The following ST7L variants were observed in gnomAD, a reference collection of about 807,000 sequenced individuals.
The protein encoded by ST7L is suppression of tumorigenicity 7 like, also known as suppressor of tumorigenicity 7 protein-like.
In ST7L, 57 loss-of-function variants were observed where a neutral mutation model predicts 72.5. That is an observed-to-expected ratio of 0.79 (90% CI 0.64 to 0.98). The LOEUF (loss-of-function observed/expected upper bound fraction) is 0.98, where lower values mean the gene tolerates loss of function less well. Ranked by LOEUF, ST7L falls within the 50% of genes least tolerant of loss-of-function variation. The probability of loss-of-function intolerance (pLI) is 0.00; values close to 1 mark genes in which losing one functional copy is unlikely to be tolerated. For missense variants in ST7L, 576 were observed against 672.2 expected, an observed-to-expected ratio of 0.86 and a Z score of 1.58; for synonymous variants, 221 against 240.9, an observed-to-expected ratio of 0.92 and a Z score of 0.77.
chr1:112,520,533 C>A, downstream of ST7L: 1 of 1,608,764 alleles, frequency 6.2e-7, no homozygotes, highest in East Asian at 2.2e-5. Flanking sequence ...TCACTCATCC[C>A]TCCAATTCAA....
chr1:112,543,013 T>G (rs951508542), intron 13 of ST7L, among the ~76,000 whole-genome samples: 1 of 152,062 alleles, frequency 6.6e-6, no homozygotes, highest in Admixed American at 6.6e-5. Flanking sequence ...TTGGCCAGGC[T>G]GGTCTCAAAC....
chr1:112,537,122 A>G (rs1015310466), intron 14 of ST7L, among the ~76,000 whole-genome samples: 2 of 152,016 alleles, frequency 1.3e-5, no homozygotes, highest in African/African-American at 4.8e-5. Flanking sequence ...CAGCCTCCCA[A>G]GTAGCTGGGA....
intron 4 of ST7L, among the ~76,000 whole-genome samples, chr1:112,599,779 T>C (rs1180013190): frequency 6.6e-6 from 1 of 152,214 alleles, no homozygotes; most frequent in Admixed American, 6.5e-5. Context: ...AGGGGCCTAA[T>C]ACATACTTAA....
At chr1:112,585,732 C>CA (rs34816760) in intron 6 of ST7L, among the ~76,000 whole-genome samples, 30,751 of 106,106 alleles carry the variant, frequency 0.29, 3,449 homozygotes, top group Middle Eastern at 0.37. Context: ...GACTCCGTCT[C>CA]AAAAAAAAAA....
chr1:112,559,461 T>C (rs1659737081), intron 11 of ST7L, among the ~76,000 whole-genome samples: 2 of 151,818 alleles, frequency 1.3e-5, no homozygotes, highest in Middle Eastern at 6.8e-3. Context: ...CTCGAACTCC[T>C]GACCTCGTGA....
At chr1:112,598,796 G>A (rs543011742) in intron 4 of ST7L, among the ~76,000 whole-genome samples, 47 of 151,430 alleles carry the variant, frequency 3.1e-4, no homozygotes, top group African/African-American at 8.7e-4. Context: ...GCTCACGCAC[G>A]CCTTAATCCT....
chr1:112,570,642 G>T (rs762944821), intron 11 of ST7L: 5 of 415,694 alleles, frequency 1.2e-5, no homozygotes, highest in African/African-American at 8.4e-5. Flanking sequence ...CAATTGAAGT[G>T]TGAAGAAGAA....
chr1:112,576,504 G>A (rs968116580), intron 11 of ST7L, among the ~76,000 whole-genome samples: 4 of 152,142 alleles, frequency 2.6e-5, no homozygotes, highest in Non-Finnish European at 4.4e-5. Context: ...CATTGGGGAC[G>A]AAATAAGCAT....
At chr1:112,570,797 C>T (rs148512661) in intron 11 of ST7L, 220 of 455,768 alleles carry the variant, frequency 4.8e-4, no homozygotes, top group African/African-American at 3.7e-3. Context: ...AGAGCTCTCC[C>T]AGTTCATATA....
chr1:112,582,023 T>TGCCTGAACAACA lies in ST7L; in HGVS notation c.1037_1038insTGTTGTTCAGGC (p.Pro346_Asp347insValValGlnAla), dbSNP rs752866229. On this transcript the variant is annotated inframe_insertion, in exon 9 of 15. Transcript: ENST00000358039. ...ATTTTGCTAGGACTGCCTGAACATC[T>TGCCTGAACAACA]GGATAGGCCTGTAATTCTAAAAGTG... is the stretch of plus-strand genomic sequence containing the variant. 11 of 1,613,178 alleles carry TGCCTGAACAACA rather than the reference T, an allele frequency of 6.8e-6. No homozygotes were observed. In the South Asian group the frequency reaches 1.1e-4, roughly 16 times the overall value.
At chr1:112,548,493 A>T (rs1335662459) in intron 13 of ST7L, among the ~76,000 whole-genome samples, 5 of 152,240 alleles carry the variant, frequency 3.3e-5, no homozygotes, top group Non-Finnish European at 7.3e-5. Flanking sequence ...AAAATAAAAA[A>T]CATTAGGAGA....
At chr1:112,555,307 C>T (rs777733644) in intron 12 of ST7L, among the ~76,000 whole-genome samples, 5 of 151,974 alleles carry the variant, frequency 3.3e-5, no homozygotes, top group African/African-American at 4.8e-5. Flanking sequence ...GGCTCATGCC[C>T]GTAATCCCAG....
At position 112,529,000 on chromosome 1, in the gene ST7L, G is replaced by A. The variant is rs1242129724; in HGVS notation, c.1630-2889C>T. ...CCTGCATTTGCTAAAGGTAAAAATC[G>A]CTACTTATGGGGCTTTTGTCATACT... On this transcript the variant is annotated intron_variant, in intron 14 of 14. Transcript: ENST00000358039. The A allele has an allele frequency of 3.9e-5, 6 of 152,114 alleles. No individual in the cohort carries two copies. The East Asian group carries it at 5.8e-4, about 15-fold the overall frequency. 9.4% of individuals were successfully genotyped at this position (152,114 alleles called of 1,614,324 possible).
intron 11 of ST7L, among the ~76,000 whole-genome samples, chr1:112,556,966 C>CAAAAAAAAAAAAAAAAAAAAA (rs60106072): frequency 9.7e-4 from 48 of 49,532 alleles, no homozygotes; most frequent in Non-Finnish European, 1.6e-3. Context: ...GACTCTGTCT[C>CAAAAAAAAAAAAAAAAAAAAA]AAAAAAAAAA....
chr1:112,601,988 A>T (rs116037914), intron 3 of ST7L, among the ~76,000 whole-genome samples: 1 of 151,718 alleles, frequency 6.6e-6, no homozygotes, highest in South Asian at 2.1e-4. Flanking sequence ...TGAGAGTGAG[A>T]CAGAAGAATT....
chr1:112,557,923 GTACTAA>G (rs780293375), intron 11 of ST7L, among the ~76,000 whole-genome samples: 1 of 152,124 alleles, frequency 6.6e-6, no homozygotes, highest in Non-Finnish European at 1.5e-5. Context: ...GAAAATACTT[GTACTAA>G]TATTATCATT....
chr1:112,576,605 T>C (rs976139775), intron 11 of ST7L, among the ~76,000 whole-genome samples: 1 of 152,240 alleles, frequency 6.6e-6, no homozygotes, highest in Non-Finnish European at 1.5e-5. Context: ...CCAACCCTAG[T>C]TCAAAACCCA....
intron 14 of ST7L, chr1:112,540,408 A>G (rs780451926): frequency 9.9e-5 from 98 of 985,022 alleles, no homozygotes; most frequent in Non-Finnish European, 1.2e-4. Context: ...CTCAACTATT[A>G]GCACTACTGC....
Position 112,542,459 on chromosome 1 carries a change from T to G in ST7L, c.1490-369A>C, listed in dbSNP as rs561180739. ...GAGTTGTAATGATGAACATTTTAAG[T>G]GCTTAATGTGAGTTGCAGCCACAGG... On this transcript the variant is annotated intron_variant, in intron 13 of 14. Coordinates refer to ENST00000358039, the MANE Select transcript of ST7L (RefSeq NM_017744.5). Among the ~76,000 whole-genome samples, 114 of 152,310 alleles carry G rather than the reference T, an allele frequency of 7.5e-4. 1 individual carries two copies. In the Middle Eastern group the frequency reaches 0.017, roughly 23 times the overall value.
Sources: allele counts gnomAD v4.1 joint callset (sites outside exome capture counted in the v4.1 genomes callset), GRCh38; gene constraint gnomAD v4.1.1; transcripts MANE v1.5; gene names NCBI Gene and HGNC (gene_info 2026-07-23, HGNC 2026-07-21).